HEXD: variants seen among roughly 807,000 people sequenced by gnomAD.
HEXD encodes the protein hexosaminidase D.
Under a neutral mutation model 54.2 loss-of-function variants are expected in HEXD, and 47 were observed. The ratio of observed to expected loss-of-function variants is 0.87; its 90% CI spans 0.69 to 1.11. The LOEUF is 1.11. Among genes scored for constraint, HEXD ranks in the 50% least tolerant of loss-of-function variants. The probability of loss-of-function intolerance (pLI) is 0.00; values close to 1 mark genes in which losing one functional copy is unlikely to be tolerated. For missense variants in HEXD, 576 were observed against 649.2 expected, an observed-to-expected ratio of 0.89 and a Z score of 1.23; for synonymous variants, 293 against 287.6, an observed-to-expected ratio of 1.02 and a Z score of -0.19.
chr17:82,436,650 G>A lies in HEXD; in HGVS notation c.632-17G>A, dbSNP rs1409243969. 1.8e-5 allele frequency: 29 copies of A among 1,602,468 alleles called. No individual in the cohort carries two copies. The highest frequency in any genetic ancestry group is 3.3e-5 in the South Asian group (3 of 89,646). Reference sequence around the variant, plus strand: ...GGTCCAGGTGTCTCACCAACCTCACGTCCGCTCTGTCTGCAGCGTCCGGGG... The same window carrying A: ...GGTCCAGGTGTCTCACCAACCTCACATCCGCTCTGTCTGCAGCGTCCGGGG... On this transcript the variant is annotated splice_polypyrimidine_tract_variant and intron_variant, in intron 6 of 12. Coordinates refer to ENST00000327949, the MANE Select transcript of HEXD (RefSeq NM_001330542.2).
intron 6 of HEXD, 91 bp downstream of exon 6, chr17:82,435,963 C>A: frequency 7.6e-7 from 1 of 1,313,140 alleles, no homozygotes; most frequent in Non-Finnish European, 1.0e-6. Context: ...GAAGTGGGCC[C>A]CAGGGTGAGC....
intron 1 of HEXD, among the ~76,000 whole-genome samples, chr17:82,419,008 C>T (rs188070959): frequency 2.6e-5 from 4 of 152,330 alleles, no homozygotes; most frequent in Admixed American, 1.3e-4. Context: ...AACCCCTGCA[C>T]GGAACCAGGG....
chr17:82,440,031 C>T, intron 9 of HEXD: 2 of 1,332,794 alleles, frequency 1.5e-6, no homozygotes, highest in South Asian at 1.3e-5. Context: ...GCACACACGT[C>T]CTGCCCACCT....
rs1266954576 is a variant in HEXD at position 82,418,601 on chromosome 17, C to T, written c.-191C>T. 5 of 435,154 alleles carry T rather than the reference C, an allele frequency of 1.1e-5. No homozygotes were observed. Among genetic ancestry groups the T allele is most frequent in the Non-Finnish European group, 1.8e-5 (5 of 281,240 alleles). 27.0% of individuals were successfully genotyped at this position (435,154 alleles called of 1,614,324 possible). Reference sequence around the variant, plus strand: ...GGGACGCGAGTGCGACGCGCTCGGCCATCGGCCCCTGGGCTGGCGGCCAGG... The same window carrying T: ...GGGACGCGAGTGCGACGCGCTCGGCTATCGGCCCCTGGGCTGGCGGCCAGG... On this transcript the variant is annotated 5_prime_UTR_variant, in exon 1 of 13. Coordinates refer to ENST00000327949, the MANE Select transcript of HEXD (RefSeq NM_001330542.2).
chr17:82,439,949 G>A (rs1401154206), intron 9 of HEXD: 2 of 1,504,916 alleles, frequency 1.3e-6, no homozygotes, highest in Non-Finnish European at 1.8e-6. Flanking sequence ...TGACGCGGGA[G>A]GCACCCCTCA....
At chr17:82,431,534 C>G (rs763742867) in intron 4 of HEXD, among the ~76,000 whole-genome samples, 2 of 151,732 alleles carry the variant, frequency 1.3e-5, no homozygotes, top group Non-Finnish European at 2.9e-5. Flanking sequence ...GTAGCTTCAG[C>G]CTCCCGAGTA....
At chr17:82,436,519 A>T (rs2053771431) in intron 6 of HEXD, 148 bp from the exon 7 acceptor site, 1 of 631,832 alleles carries the variant, frequency 1.6e-6, no homozygotes, top group Admixed American at 2.7e-5. Context: ...TGGTTGTGGC[A>T]TTCATTGTCA....
chr17:82,431,735 A>G (rs2053583092), intron 4 of HEXD, among the ~76,000 whole-genome samples: 1 of 152,092 alleles, frequency 6.6e-6, no homozygotes, highest in South Asian at 2.1e-4. Flanking sequence ...TTCTTACAAT[A>G]TATTCATAGT....
intron 2 of HEXD, 40 bp downstream of exon 2, chr17:82,419,923 C>T (rs986874819): frequency 1.5e-6 from 2 of 1,363,070 alleles, no homozygotes; most frequent in Non-Finnish European, 2.1e-6. Context: ...TACTTTTTGC[C>T]TTGGCTTCAT....
At position 82,424,496 on chromosome 17, in the gene HEXD, G is replaced by A. The variant is rs570973582; in HGVS notation, c.187G>A (p.Ala63Thr). 9.3e-6 allele frequency: 15 copies of A among 1,610,050 alleles called. No homozygotes were observed. Among genetic ancestry groups the A allele is most frequent in the African/African-American group, 2.7e-5 (2 of 74,954 alleles). ...GPLRLLRAKY[A>T]YSPSEIKEIL... ...TCTGAGGCTGCTGAGGGCCAAGTAC[G>A]CCTACAGGTAACACTGCCCGTGGCA... is the stretch of plus-strand genomic sequence containing the variant. The change falls in exon 3 of 13, where the codon GCC becomes ACC. Residue 63 changes from alanine (A) to threonine (T), a missense_variant. Transcript: ENST00000327949.
In HEXD at chr17:82,442,538, G is replaced by T. The variant is rs970907311; in HGVS notation, c.*154G>T. 7 of 1,587,978 alleles carry T rather than the reference G, an allele frequency of 4.4e-6. No homozygotes were observed. The African/African-American group carries it at 6.7e-5, about 15-fold the overall frequency. ...TTCCTGAGGGCCCTGGGCAGCCCCTGGGGGAGAGACTAGAAAACACAGAAG... is the reference window on the plus strand; with the variant it reads ...TTCCTGAGGGCCCTGGGCAGCCCCTTGGGGAGAGACTAGAAAACACAGAAG... On this transcript the variant is annotated 3_prime_UTR_variant, in exon 13 of 13. Transcript: ENST00000327949. This position sits in a 1 kb window ranked among gnomAD's most constrained non-coding sequence, Gnocchi z 6.8.
intron 4 of HEXD, among the ~76,000 whole-genome samples, chr17:82,432,870 T>C (rs571851143): frequency 4.7e-4 from 68 of 146,074 alleles, no homozygotes; most frequent in African/African-American, 6.3e-4. Flanking sequence ...GAGACCATCC[T>C]GGCTAACACG....
At position 82,439,721 on chromosome 17, in the gene HEXD, T is replaced by C; in HGVS notation, c.982+8T>C. ...TGCAGTTGCTTCTACGCGGTATGTC[T>C]GGTCTGGCCACCCCAAGCCCCACCG... On this transcript the variant is annotated splice_region_variant and intron_variant, in intron 9 of 12. Coordinates refer to ENST00000327949, the MANE Select transcript of HEXD (RefSeq NM_001330542.2). 6.3e-7 allele frequency: 1 copy of C among 1,599,594 alleles called. No homozygotes were observed. The highest frequency in any genetic ancestry group is 8.5e-7 in the Non-Finnish European group (1 of 1,179,614).
chr17:82,440,701 G>C (rs764978756), intron 9 of HEXD: 2 of 461,124 alleles, frequency 4.3e-6, no homozygotes, highest in African/African-American at 2.0e-5. Context: ...TGTGTGGGTC[G>C]GGCTGCGCCC....
rs1236230001 is a variant in HEXD at position 82,418,591 on chromosome 17, C to A, written c.-201C>A. 7 of 491,022 alleles carry A rather than the reference C, an allele frequency of 1.4e-5. No individual in the cohort carries two copies. The highest frequency in any genetic ancestry group is 3.1e-6 in the Non-Finnish European group (1 of 327,754). 30.4% of individuals were successfully genotyped at this position (491,022 alleles called of 1,614,324 possible). A position where few individuals can be genotyped will look rare whatever the true frequency, so the allele number is the denominator to read the frequency against. On this transcript the variant is annotated 5_prime_UTR_variant, in exon 1 of 13. Coordinates refer to ENST00000327949, the MANE Select transcript of HEXD (RefSeq NM_001330542.2). ...GCACGGCGCAGGGACGCGAGTGCGA[C>A]GCGCTCGGCCATCGGCCCCTGGGCT... is the stretch of plus-strand genomic sequence containing the variant.
In HEXD at chr17:82,441,926, G is replaced by T. The variant is rs776586585; in HGVS notation, c.1253+37G>T. The T allele has an allele frequency of 1.5e-5, 24 of 1,589,148 alleles. No homozygotes were observed. In the South Asian group the frequency reaches 2.3e-4, roughly 15 times the overall value. ...GGCTCTTATAGGCCGTGCAGCCATG[G>T]GTTCCCTGAGAACTGCTGCTGTTGC... is the stretch of plus-strand genomic sequence containing the variant. On this transcript the variant is annotated intron_variant, in intron 12 of 12. Transcript: ENST00000327949.
At chr17:82,438,555 C>T (rs571685061) in intron 8 of HEXD, among the ~76,000 whole-genome samples, 2 of 152,356 alleles carry the variant, frequency 1.3e-5, no homozygotes, top group East Asian at 3.9e-4. Flanking sequence ...AAAAGCAGAG[C>T]TAAGATAAAC....
intron 2 of HEXD, among the ~76,000 whole-genome samples, chr17:82,424,037 G>A (rs190337421): frequency 2.9e-4 from 44 of 151,320 alleles, no homozygotes; most frequent in African/African-American, 9.2e-4. Flanking sequence ...TGTCCCCCAT[G>A]CCTTGCTGGT....
intron 3 of HEXD, chr17:82,425,592 T>A (rs1239511564): frequency 6.6e-6 from 1 of 152,336 alleles, no homozygotes; most frequent in Admixed American, 6.5e-5. Flanking sequence ...TGAAAATCAA[T>A]AACGGCCCCA....
Sources: allele counts gnomAD v4.1 joint callset (sites outside exome capture counted in the v4.1 genomes callset), GRCh38; gene constraint gnomAD v4.1.1; non-coding constraint Gnocchi (gnomAD v3.1); transcripts MANE v1.5; gene names NCBI Gene and HGNC (gene_info 2026-07-23, HGNC 2026-07-21).